DNAJC18: variants seen among roughly 807,000 people sequenced by gnomAD.
DNAJC18 encodes dnaJ homolog subfamily C member 18.
A neutral mutation model predicts 48.6 loss-of-function variants in DNAJC18; 40 were observed. The ratio of observed to expected loss-of-function variants is 0.82; its 90% CI spans 0.64 to 1.07. The LOEUF (loss-of-function observed/expected upper bound fraction) is 1.07, where lower values mean the gene tolerates loss of function less well. Among genes scored for constraint, DNAJC18 ranks in the 50% least tolerant of loss-of-function variants. The pLI is 0.00. For synonymous variants in DNAJC18, 135 were observed against 152.2 expected (o/e 0.89, Z 0.83); for missense variants, 340 against 427.7 (o/e 0.79, Z 1.81).
rs892759857 is a variant in DNAJC18 at position 139,411,122 on chromosome 5, C to T, written c.*3026G>A. The T allele has an allele frequency of 5.9e-5, 9 of 152,152 alleles. No individual in the cohort carries two copies. The highest frequency in any genetic ancestry group is 1.9e-4 in the African/African-American group (8 of 41,410). 9.4% of individuals were successfully genotyped at this position (152,152 alleles called of 1,614,324 possible). A position where few individuals can be genotyped will look rare whatever the true frequency, so the allele number is the denominator to read the frequency against. On this transcript the variant is annotated 3_prime_UTR_variant, in exon 8 of 8. Coordinates refer to ENST00000302060, the MANE Select transcript of DNAJC18 (RefSeq NM_152686.4). Reference sequence around the variant, plus strand: ...ACAGAAAGCACAGCAGTGACGTTTCCTTACTGGTCACTGCTCCCGTGCTGT... The same window carrying T: ...ACAGAAAGCACAGCAGTGACGTTTCTTTACTGGTCACTGCTCCCGTGCTGT...
At position 139,412,860 on chromosome 5, in the gene DNAJC18, A is replaced by C. The variant is rs938725249; in HGVS notation, c.*1288T>G. The C allele has an allele frequency of 2.0e-5, 8 of 398,492 alleles. No homozygotes were observed. Among genetic ancestry groups the C allele is most frequent in the Non-Finnish European group, 8.8e-6 (2 of 226,104 alleles). The allele number at this position is 398,492 out of a possible 1,614,324, so 24.7% of individuals were successfully genotyped here. The stretch of plus-strand genomic sequence containing the variant: ...ATGCAAGATTGCCACAGAAAAGATG[A>C]GGGGTCATGGGGTTGGGGAGGACGG... On this transcript the variant is annotated 3_prime_UTR_variant, in exon 8 of 8. Coordinates refer to ENST00000302060, the MANE Select transcript of DNAJC18 (RefSeq NM_152686.4).
rs777717157 is a variant in DNAJC18 at position 139,425,009 on chromosome 5, G to A, written c.665C>T (p.Pro222Leu). The change falls in exon 5 of 8, where the codon CCT (proline) becomes CTT (leucine). Residue 222 changes from proline (P) to leucine (L), a missense_variant. By Grantham distance (98) the Pro-to-Leu change is moderately conservative. Transcript: ENST00000302060. ...TGCTCCTCCCTCCCTAGGTACCTGA[G>A]GTTTCTCTTCTTCCTCCTCCTTCTG... ...QTQKEEEEEK[P>L]QTTYSAFIQL... The A allele has an allele frequency of 1.9e-6, 3 of 1,612,648 alleles. No individual in the cohort carries two copies. The highest frequency in any genetic ancestry group is 1.7e-6 in the Non-Finnish European group (2 of 1,178,934).
At position 139,439,137 on chromosome 5, in the gene DNAJC18, G is replaced by C. The variant is rs1437477824; in HGVS notation, c.40+269C>G. Among the ~76,000 whole-genome samples, 1 of 152,126 alleles carries C rather than the reference G, an allele frequency of 6.6e-6. No individual in the cohort carries two copies. The highest frequency in any genetic ancestry group is 1.5e-5 in the Non-Finnish European group (1 of 68,010). On this transcript the variant is annotated intron_variant, in intron 1 of 7. Coordinates refer to ENST00000302060, the MANE Select transcript of DNAJC18 (RefSeq NM_152686.4). This position sits in a 1 kb window ranked among gnomAD's most constrained non-coding sequence, Gnocchi z 4.1. ...CCCTCCAGTCACCTTGGCATGGGCG[G>C]GGCCTGACAGCTGCGGGCCCTGGGC...
Position 139,420,115 on chromosome 5 carries a change from T to C in DNAJC18, c.890A>G (p.Lys297Arg), listed in dbSNP as rs771696168. The C allele has an allele frequency of 6.2e-7, 1 of 1,608,280 alleles. No homozygotes were observed. Among genetic ancestry groups the C allele is most frequent in the South Asian group, 1.1e-5 (1 of 89,536 alleles). The change falls in exon 7 of 8, where the codon AAA becomes AGA. Residue 297 changes from lysine (K) to arginine (R), a missense_variant. Physicochemically the swap from Lys to Arg is conservative, Grantham distance 26. Transcript: ENST00000302060. ...YRGASLHDLEKTIEKDYIDYI... is the reference protein window; with the variant it reads ...YRGASLHDLERTIEKDYIDYI... ...ATCAATGTAATCCTTCTCTATTGTT[T>C]TCTCCAAGTCATGCAGAGAAGCTCC...
At chr5:139,435,127 G>A (rs1356379133) in intron 2 of DNAJC18, among the ~76,000 whole-genome samples, 3 of 152,122 alleles carry the variant, frequency 2.0e-5, no homozygotes, top group East Asian at 3.9e-4. Flanking sequence ...TTGGGAGGCC[G>A]AGGCGGGCAG....
chr5:139,430,680 C>T (rs976844653), intron 2 of DNAJC18, among the ~76,000 whole-genome samples: 2 of 151,400 alleles, frequency 1.3e-5, no homozygotes, highest in African/African-American at 2.4e-5. Context: ...AGTGATTCTC[C>T]TGCCTCAGCC....
chr5:139,427,350 G>A (rs182710179), intron 3 of DNAJC18, among the ~76,000 whole-genome samples: 56 of 151,970 alleles, frequency 3.7e-4, no homozygotes, highest in African/African-American at 1.1e-3. Context: ...CATACAATCC[G>A]TAGCACCAAT....
chr5:139,429,972 C>T (rs978103213), intron 2 of DNAJC18, among the ~76,000 whole-genome samples: 1 of 152,072 alleles, frequency 6.6e-6, no homozygotes, highest in African/African-American at 2.4e-5. Flanking sequence ...CAATCCTTAA[C>T]ATATAGAGAT....
At chr5:139,438,529 G>A (rs1369665036) in intron 1 of DNAJC18, among the ~76,000 whole-genome samples, 1 of 151,996 alleles carries the variant, frequency 6.6e-6, no homozygotes, top group Non-Finnish European at 1.5e-5. Context: ...ATGTAAAGAG[G>A]GTCATAAGCA....
At position 139,428,575 on chromosome 5, in the gene DNAJC18, G is replaced by A. The variant is rs1759278117; in HGVS notation, c.336C>T (p.Asp112=). Residue 112 remains aspartate, a synonymous_variant, in exon 3 of 8, where the codon GAC becomes GAT. Transcript: ENST00000302060. ...CTGTTGCTCCAGGAGCACAGTTCTT[G>A]TCAGGGTGAAATTTCAGGGCGAGTT... is the stretch of plus-strand genomic sequence containing the variant. ...YRKLALKFHP[D]KNCAPGATDA... The A allele has an allele frequency of 1.9e-6, 3 of 1,614,076 alleles. No individual in the cohort carries two copies. Among genetic ancestry groups the A allele is most frequent in the Non-Finnish European group, 2.5e-6 (3 of 1,179,988 alleles).
At chr5:139,423,735 C>T (rs1433952132) in intron 5 of DNAJC18, among the ~76,000 whole-genome samples, 6 of 145,412 alleles carry the variant, frequency 4.1e-5, no homozygotes, top group Non-Finnish European at 9.0e-5. Context: ...TGGTATAATG[C>T]AAATTTCCAA....
chr5:139,424,940 T>C, intron 5 of DNAJC18, 65 bp downstream of exon 5: 1 of 1,337,326 alleles, frequency 7.5e-7, no homozygotes. Flanking sequence ...AACTTGACCA[T>C]GTACCATCAA....
At chr5:139,421,382 G>A (rs1386791941) in intron 6 of DNAJC18, among the ~76,000 whole-genome samples, 2 of 152,112 alleles carry the variant, frequency 1.3e-5, no homozygotes, top group Non-Finnish European at 2.9e-5. Flanking sequence ...CTGGGAGAAG[G>A]GGATTACAGT....
chr5:139,423,857 C>G (rs1343273260), intron 5 of DNAJC18, among the ~76,000 whole-genome samples: 1 of 152,152 alleles, frequency 6.6e-6, no homozygotes, highest in Non-Finnish European at 1.5e-5. Flanking sequence ...GCTGAGCAGG[C>G]TGAAGGAGGT....
At chr5:139,419,612 C>G (rs2152083002) in intron 7 of DNAJC18, among the ~76,000 whole-genome samples, 1 of 152,316 alleles carries the variant, frequency 6.6e-6, no homozygotes, top group East Asian at 1.9e-4. Context: ...CAAGAACTTA[C>G]AGACGTGTGT....
intron 2 of DNAJC18, among the ~76,000 whole-genome samples, chr5:139,433,004 G>T (rs1157797601): frequency 6.6e-6 from 1 of 152,188 alleles, no homozygotes; most frequent in Admixed American, 6.5e-5. Flanking sequence ...GGTAGGGCTG[G>T]CCGCAGGGTT....
chr5:139,413,153 A>G lies in DNAJC18; in HGVS notation c.*995T>C. The G allele has an allele frequency of 2.9e-6, 1 of 348,876 alleles. No individual in the cohort carries two copies. The highest frequency in any genetic ancestry group is 5.1e-6 in the Non-Finnish European group (1 of 195,052). The allele number at this position is 348,876 out of a possible 1,614,324, so 21.6% of individuals were successfully genotyped here. ...ACTCAATAAATGTTGAATGAATGAAAAATCATCTCAAATCACAAACTATAG... is the reference window on the plus strand; with the variant it reads ...ACTCAATAAATGTTGAATGAATGAAGAATCATCTCAAATCACAAACTATAG... On this transcript the variant is annotated 3_prime_UTR_variant, in exon 8 of 8. Coordinates refer to ENST00000302060, the MANE Select transcript of DNAJC18 (RefSeq NM_152686.4).
intron 2 of DNAJC18, among the ~76,000 whole-genome samples, chr5:139,430,461 A>G (rs971992530): frequency 1.3e-5 from 2 of 152,174 alleles, no homozygotes; most frequent in Admixed American, 6.5e-5. Context: ...GCTTGGTGTT[A>G]TCTTCTGAAA....
In DNAJC18 at chr5:139,413,972, A is replaced by C. The variant is rs368192165; in HGVS notation, c.*176T>G. On this transcript the variant is annotated 3_prime_UTR_variant, in exon 8 of 8. Coordinates refer to ENST00000302060, the MANE Select transcript of DNAJC18 (RefSeq NM_152686.4). ...TCCCTGGAGCCACTCCCCAGGAAGGATCCTGTGAAGACACATCTGGCTCTC... is the reference window on the plus strand; with the variant it reads ...TCCCTGGAGCCACTCCCCAGGAAGGCTCCTGTGAAGACACATCTGGCTCTC... The C allele has an allele frequency of 2.5e-5, 22 of 872,232 alleles. No homozygotes were observed. Among genetic ancestry groups the C allele is most frequent in the East Asian group, 1.9e-4 (7 of 35,982 alleles). The allele number at this position is 872,232 out of a possible 1,614,324, so 54.0% of individuals were successfully genotyped here.
Sources: gnomAD v4.1 joint callset for allele counts (sites outside exome capture counted in the v4.1 genomes callset) on GRCh38, gnomAD v4.1.1 for gene constraint, Gnocchi (gnomAD v3.1) non-coding constraint, MANE v1.5 for transcripts, NCBI Gene and HGNC (gene_info 2026-07-23, HGNC 2026-07-21) for gene names.